The following JHY variants were observed in gnomAD, a reference collection of about 807,000 sequenced individuals.
The protein encoded by JHY is jhy protein homolog.
Under a neutral mutation model 78.0 loss-of-function variants are expected in JHY, and 69 were observed. The ratio of observed to expected loss-of-function variants is 0.88; its 90% CI spans 0.73 to 1.08. The LOEUF (loss-of-function observed/expected upper bound fraction) is 1.08. JHY is among the 50% of genes least tolerant of loss of function. The pLI is 0.00. For synonymous variants in JHY, 368 were observed against 342.6 expected (o/e 1.07, Z -0.82); for missense variants, 944 against 927.8 (o/e 1.02, Z -0.23).
At chr11:122,889,845 G>A (rs949726993) in intron 2 of JHY, among the ~76,000 whole-genome samples, 18 of 152,054 alleles carry the variant, frequency 1.2e-4, no homozygotes, top group African/African-American at 3.9e-4. Flanking sequence ...TGCAACCTGC[G>A]CCTCCCGGGT....
chr11:122,922,052 T>G (rs1394686407), intron 3 of JHY, among the ~76,000 whole-genome samples: 2 of 152,226 alleles, frequency 1.3e-5, no homozygotes, highest in Non-Finnish European at 2.9e-5. Context: ...CAAGTTGAAT[T>G]GTTTCATGAT....
chr11:122,895,940 C>T (rs1479197786), intron 2 of JHY, among the ~76,000 whole-genome samples: 4 of 152,100 alleles, frequency 2.6e-5, no homozygotes, highest in African/African-American at 4.8e-5. Context: ...CATGATTTTG[C>T]AAAACATAAC....
rs558968242 is a variant in JHY at position 122,961,986 on chromosome 11, G to A, written c.*2541G>A. ...CTTACTCCAAGTACATAAATTTGCT[G>A]GCCATTTTGCCATCACAAATATCTT... On this transcript the variant is annotated 3_prime_UTR_variant, in exon 9 of 9. Coordinates refer to ENST00000227349, the MANE Select transcript of JHY (RefSeq NM_024806.4). 3.3e-5 allele frequency among the ~76,000 whole-genome samples: 5 copies of A among 152,232 alleles called. No homozygotes were observed. Among genetic ancestry groups the A allele is most frequent in the African/African-American group, 1.2e-4 (5 of 41,554 alleles).
intron 8 of JHY, among the ~76,000 whole-genome samples, chr11:122,958,266 C>T (rs1432586612): frequency 6.6e-6 from 1 of 152,144 alleles, no homozygotes; most frequent in Non-Finnish European, 1.5e-5. Flanking sequence ...GACACGGGAC[C>T]CTTTGCATGA....
intron 3 of JHY, among the ~76,000 whole-genome samples, chr11:122,922,604 A>C (rs1233754463): frequency 6.6e-6 from 1 of 151,950 alleles, no homozygotes; most frequent in Admixed American, 6.6e-5. Flanking sequence ...AGGTCAGGAG[A>C]TAGAGACCAT....
intron 2 of JHY, among the ~76,000 whole-genome samples, chr11:122,900,448 G>T (rs1285728505): frequency 6.9e-6 from 1 of 144,938 alleles, no homozygotes; most frequent in African/African-American, 2.5e-5. Flanking sequence ...ACTCAAGGAA[G>T]GAAAATCTCT....
intron 4 of JHY, among the ~76,000 whole-genome samples, chr11:122,929,472 A>G (rs1863590655): frequency 6.6e-6 from 1 of 152,122 alleles, no homozygotes; most frequent in South Asian, 2.1e-4. Context: ...TGGGAGGAGG[A>G]ACGAGGAACC....
chr11:122,926,931 A>G (rs1863520756), intron 4 of JHY: 2 of 152,246 alleles, frequency 1.3e-5, no homozygotes, highest in South Asian at 4.1e-4. Flanking sequence ...TTATAGAAAA[A>G]TACATTTGAA....
chr11:122,934,352 A>ATAAG, intron 4 of JHY, 68 bp from the exon 5 acceptor site: 1 of 615,016 alleles, frequency 1.6e-6, no homozygotes. Context: ...AAATAAATAA[A>ATAAG]TAATAAAATA....
intron 3 of JHY, among the ~76,000 whole-genome samples, chr11:122,921,541 T>A (rs1341051114): frequency 6.6e-6 from 1 of 152,234 alleles, no homozygotes; most frequent in African/African-American, 2.4e-5. Flanking sequence ...TAGAGTTGAT[T>A]TTTCTTTTAA....
intron 2 of JHY, among the ~76,000 whole-genome samples, chr11:122,891,570 T>TAAAA (rs10636239): frequency 6.8e-6 from 1 of 147,430 alleles, no homozygotes; most frequent in Non-Finnish European, 1.5e-5. Flanking sequence ...CCTTGTATAT[T>TAAAA]AAAAAAAAAA....
chr11:122,900,798 T>G (rs1371943824), intron 2 of JHY, among the ~76,000 whole-genome samples: 1 of 152,160 alleles, frequency 6.6e-6, no homozygotes, highest in Non-Finnish European at 1.5e-5. Context: ...TCGGGGATCT[T>G]TCTGTAGTAC....
At chr11:122,943,464 A>G (rs1234749731) in intron 5 of JHY, among the ~76,000 whole-genome samples, 2 of 152,174 alleles carry the variant, frequency 1.3e-5, no homozygotes, top group Non-Finnish European at 2.9e-5. Flanking sequence ...ATGTACGAGT[A>G]GGCTTGTTGA....
rs1317201040 is a variant in JHY, at chr11:122,935,289, C to T, written c.1634+214C>T. 6.6e-6 allele frequency among the ~76,000 whole-genome samples: 1 copy of T among 151,688 alleles called. No homozygotes were observed. Among genetic ancestry groups the T allele is most frequent in the Non-Finnish European group, 1.5e-5 (1 of 67,970 alleles). ...TTGCTCTGTTGCCCAGGCTGGAGTG[C>T]AGTGGTGCCATCTTGGCTCATTGCA... On this transcript the variant is annotated intron_variant, in intron 5 of 8. Transcript: ENST00000227349. The surrounding 1 kb of genome is among the most constrained non-coding windows in gnomAD (Gnocchi z 4.5).
intron 2 of JHY, among the ~76,000 whole-genome samples, chr11:122,892,430 C>T (rs1337897940): frequency 6.6e-6 from 1 of 151,848 alleles, no homozygotes; most frequent in Non-Finnish European, 1.5e-5. Flanking sequence ...TCAAGCAATT[C>T]TCCTGCCTCA....
intron 6 of JHY, among the ~76,000 whole-genome samples, chr11:122,953,234 T>C (rs1864127908): frequency 6.6e-6 from 1 of 152,148 alleles, no homozygotes; most frequent in African/African-American, 2.4e-5. Flanking sequence ...TAGAATGTTA[T>C]GCATAAAACT....
intron 2 of JHY, among the ~76,000 whole-genome samples, chr11:122,893,418 GC>G (rs1862667471): frequency 6.6e-6 from 1 of 152,302 alleles, no homozygotes; most frequent in African/African-American, 2.4e-5. Context: ...AAATGCTAAA[GC>G]CATAGTGACT....
At chr11:122,957,212 T>A (rs1864211035) in intron 7 of JHY, 151 bp from the exon 8 acceptor site, 2 of 788,684 alleles carry the variant, frequency 2.5e-6, no homozygotes, top group South Asian at 7.9e-5. Context: ...CTTAACCATT[T>A]CACTGCTGCC....
intron 4 of JHY, among the ~76,000 whole-genome samples, chr11:122,933,386 A>G (rs1168320429): frequency 6.6e-6 from 1 of 152,248 alleles, no homozygotes; most frequent in African/African-American, 2.4e-5. Context: ...GCATTTAATC[A>G]TTCTTTGCAA....
Sources: gnomAD v4.1 joint callset for allele counts (sites outside exome capture counted in the v4.1 genomes callset) on GRCh38, gnomAD v4.1.1 for gene constraint, Gnocchi (gnomAD v3.1) non-coding constraint, MANE v1.5 for transcripts, NCBI Gene and HGNC (gene_info 2026-07-23, HGNC 2026-07-21) for gene names.